Variants in LPP observed in about 807,000 individuals in gnomAD.
LPP encodes the protein lipoma-preferred partner.
Under a neutral mutation model 60.4 loss-of-function variants are expected in LPP, and 38 were observed. That is an observed-to-expected ratio of 0.63 (90% CI 0.49 to 0.83). The LOEUF is 0.83. Ranked by LOEUF, LPP falls within the 40% of genes least tolerant of loss-of-function variation. The pLI is 0.00. For synonymous variants in LPP, 328 were observed against 290.8 expected (o/e 1.13, Z -1.30); for missense variants, 902 against 783.6 (o/e 1.15, Z -1.80).
At chr3:188,855,805 G>A (rs1763699778) in intron 9 of LPP, among the ~76,000 whole-genome samples, 1 of 152,084 alleles carries the variant, frequency 6.6e-6, no homozygotes, top group African/African-American at 2.4e-5. Flanking sequence ...CGGAATTTAG[G>A]CCCAGGGAGG....
intron 4 of LPP, among the ~76,000 whole-genome samples, chr3:188,429,598 G>A (rs908174589): frequency 1.3e-5 from 2 of 152,074 alleles, no homozygotes; most frequent in African/African-American, 4.8e-5. Context: ...ACCTACCTTT[G>A]TTCCTAGTCC....
At chr3:188,659,852 T>C (rs920606814) in intron 7 of LPP, among the ~76,000 whole-genome samples, 6 of 147,408 alleles carry the variant, frequency 4.1e-5, no homozygotes, top group South Asian at 2.1e-4. Context: ...CATTTAAGAA[T>C]AGGAAACTAT....
chr3:188,617,898 T>G (rs1301757740), intron 7 of LPP, among the ~76,000 whole-genome samples: 2 of 152,222 alleles, frequency 1.3e-5, no homozygotes, highest in African/African-American at 4.8e-5. Context: ...ATTGACATAT[T>G]GATATATTCC....
intron 7 of LPP, among the ~76,000 whole-genome samples, chr3:188,671,819 G>A (rs1470499285): frequency 1.3e-5 from 2 of 152,114 alleles, no homozygotes; most frequent in Non-Finnish European, 2.9e-5. Flanking sequence ...CTCTAGGCCC[G>A]GAATGGGTGA....
chr3:188,644,994 C>G (rs1196885284), intron 7 of LPP, among the ~76,000 whole-genome samples: 5 of 152,156 alleles, frequency 3.3e-5, no homozygotes, highest in African/African-American at 4.8e-5. Flanking sequence ...CTTCCACTTT[C>G]TTGTTTGCAA....
chr3:188,558,711 A>G (rs189788148), intron 6 of LPP, among the ~76,000 whole-genome samples: 48 of 152,120 alleles, frequency 3.2e-4, no homozygotes, highest in Non-Finnish European at 5.6e-4. Flanking sequence ...ACCATGACTG[A>G]CAGACCACAG....
chr3:188,558,910 T>C (rs567492023), intron 6 of LPP, among the ~76,000 whole-genome samples: 1 of 152,284 alleles, frequency 6.6e-6, no homozygotes, highest in African/African-American at 2.4e-5. Flanking sequence ...GCTTTTGTTC[T>C]ATTTTGAATT....
intron 8 of LPP, among the ~76,000 whole-genome samples, chr3:188,749,882 G>A (rs1297084899): frequency 1.3e-5 from 2 of 152,090 alleles, no homozygotes; most frequent in Non-Finnish European, 2.9e-5. Flanking sequence ...CATGGAGGCA[G>A]GTACTGTATG....
chr3:188,607,890 A>C (rs1842837416), intron 6 of LPP, among the ~76,000 whole-genome samples: 1 of 152,146 alleles, frequency 6.6e-6, no homozygotes, highest in Admixed American at 6.5e-5. Context: ...CAGATATGCA[A>C]ATATGTTATT....
chr3:188,189,055 C>G (rs987175952), intron 1 of LPP, among the ~76,000 whole-genome samples: 1 of 152,122 alleles, frequency 6.6e-6, no homozygotes, highest in Non-Finnish European at 1.5e-5. Context: ...AATCTCACAG[C>G]TTGGAGAGGA....
intron 1 of LPP, among the ~76,000 whole-genome samples, chr3:188,211,942 T>G (rs1711502863): frequency 1.3e-5 from 2 of 152,014 alleles, no homozygotes; most frequent in African/African-American, 4.8e-5. Flanking sequence ...CACTGCAACC[T>G]CCGCCTCCCG....
intron 4 of LPP, among the ~76,000 whole-genome samples, chr3:188,483,683 A>G (rs1049453980): frequency 6.6e-6 from 1 of 152,074 alleles, no homozygotes; most frequent in East Asian, 1.9e-4. Context: ...CTCTGACAGC[A>G]GTGTGCTTCT....
At chr3:188,304,143 A>G (rs1004453565) in intron 2 of LPP, among the ~76,000 whole-genome samples, 2 of 152,194 alleles carry the variant, frequency 1.3e-5, no homozygotes, top group Admixed American at 6.6e-5. Context: ...TCAAATTTGT[A>G]GCTACTAGCT....
At chr3:188,435,569 A>T (rs1007978599) in intron 4 of LPP, among the ~76,000 whole-genome samples, 3 of 152,168 alleles carry the variant, frequency 2.0e-5, no homozygotes, top group Non-Finnish European at 4.4e-5. Flanking sequence ...TCTTTTCAGG[A>T]TAAATAATAT....
chr3:188,755,861 A>G (rs1730048368), intron 8 of LPP, among the ~76,000 whole-genome samples: 1 of 122,030 alleles, frequency 8.2e-6, no homozygotes, highest in African/African-American at 3.1e-5. Flanking sequence ...AAAAAAAAAA[A>G]AAAACAAAGA....
chr3:188,193,885 A>G (rs912465507), intron 1 of LPP, among the ~76,000 whole-genome samples: 16 of 152,124 alleles, frequency 1.1e-4, no homozygotes, highest in Non-Finnish European at 2.2e-4. Flanking sequence ...TAGTCAGTGG[A>G]TAGTTTTTAA....
chr3:188,405,596 G>T (rs1783271472), intron 3 of LPP, among the ~76,000 whole-genome samples: 1 of 151,908 alleles, frequency 6.6e-6, no homozygotes, highest in African/African-American at 2.4e-5. Context: ...CAAGAAGTGA[G>T]CCTATCTTTT....
At chr3:188,693,194 C>G (rs1412916712) in intron 7 of LPP, among the ~76,000 whole-genome samples, 2 of 152,146 alleles carry the variant, frequency 1.3e-5, no homozygotes, top group Non-Finnish European at 2.9e-5. Context: ...ACTTGGGAAG[C>G]AATTTCTAGA....
chr3:188,438,822 C>A (rs1357770805), intron 4 of LPP, among the ~76,000 whole-genome samples: 2 of 152,110 alleles, frequency 1.3e-5, no homozygotes, highest in Non-Finnish European at 2.9e-5. Flanking sequence ...TTATTTAATT[C>A]TTTGTTTCTT....
Sources: allele counts gnomAD v4.1 joint callset (sites outside exome capture counted in the v4.1 genomes callset), GRCh38; gene constraint gnomAD v4.1.1; transcripts MANE v1.5; gene names NCBI Gene and HGNC (gene_info 2026-07-23, HGNC 2026-07-21).